MGAT4C: variants seen among roughly 807,000 people sequenced by gnomAD.
MGAT4C encodes alpha-1,3-mannosyl-glycoprotein 4-beta-N-acetylglucosaminyltransferase C.
A neutral mutation model predicts 40.1 loss-of-function variants in MGAT4C; 19 were observed. That is an observed-to-expected ratio of 0.47 (90% CI 0.33 to 0.70). MGAT4C has a LOEUF of 0.70. Ranked by LOEUF, MGAT4C falls within the 30% of genes least tolerant of loss-of-function variation. The pLI is 0.02. For missense variants in MGAT4C, 491 were observed against 563.2 expected, an observed-to-expected ratio of 0.87 and a Z score of 1.30; for synonymous variants, 181 against 187.1, an observed-to-expected ratio of 0.97 and a Z score of 0.27.
At chr12:86,027,852 A>C (rs1592721543) in intron 2 of MGAT4C, among the ~76,000 whole-genome samples, 1 of 151,962 alleles carries the variant, frequency 6.6e-6, no homozygotes, top group Non-Finnish European at 1.5e-5. Flanking sequence ...TTCATCATTG[A>C]AATAACAGTG....
intron 1 of MGAT4C, among the ~76,000 whole-genome samples, chr12:86,774,281 CTCTTTCTTTCTTTCTTTCTT>C (rs6144795): frequency 1.9e-4 from 11 of 58,934 alleles, no homozygotes; most frequent in African/African-American, 4.5e-4. Flanking sequence ...CTAAGGCTTG[CTCTTTCTTTCTTTCTTTCTT>C]TCTTTCTTTC....
chr12:86,771,369 A>G (rs1317117761), intron 1 of MGAT4C, among the ~76,000 whole-genome samples: 1 of 152,128 alleles, frequency 6.6e-6, no homozygotes, highest in Non-Finnish European at 1.5e-5. Context: ...TGGCTTTGGA[A>G]TTGGGTTTTA....
intron 1 of MGAT4C, among the ~76,000 whole-genome samples, chr12:86,108,641 G>A (rs979340278): frequency 3.3e-5 from 5 of 152,194 alleles, no homozygotes; most frequent in East Asian, 1.9e-4. Flanking sequence ...GGGTGACTTC[G>A]TGTCCTGAAA....
At chr12:86,349,943 A>G (rs1955124412) in intron 3 of MGAT4C, among the ~76,000 whole-genome samples, 1 of 152,044 alleles carries the variant, frequency 6.6e-6, no homozygotes, top group Admixed American at 6.6e-5. Flanking sequence ...TTCTAAACTA[A>G]AATGTAAATA....
At chr12:86,299,141 A>C (rs965236804) in intron 4 of MGAT4C, among the ~76,000 whole-genome samples, 8 of 152,074 alleles carry the variant, frequency 5.3e-5, no homozygotes, top group African/African-American at 1.9e-4. Flanking sequence ...TTTTGAGACG[A>C]ATCTCGCTCT....
chr12:86,380,600 G>T (rs1008247257), intron 3 of MGAT4C, among the ~76,000 whole-genome samples: 1 of 152,116 alleles, frequency 6.6e-6, no homozygotes, highest in Non-Finnish European at 1.5e-5. Flanking sequence ...GAAAAATCAT[G>T]ATTAGATCAA....
Position 86,798,195 on chromosome 12 carries a change from G to A in MGAT4C, c.-262+40471C>T, listed in dbSNP as rs1018064118. ...GTTGCACACCCATGAAACCAGCCTT[G>A]TTCACGTTATGATCAAACAGCATAT... On this transcript the variant is annotated intron_variant, in intron 1 of 7. Transcript: ENST00000548651. 2.6e-5 allele frequency among the ~76,000 whole-genome samples: 4 copies of A among 151,824 alleles called. No individual in the cohort carries two copies. In the East Asian group the frequency reaches 7.7e-4, roughly 29 times the overall value.
chr12:86,361,879 C>T (rs2136202497), intron 3 of MGAT4C, among the ~76,000 whole-genome samples: 1 of 152,318 alleles, frequency 6.6e-6, no homozygotes, highest in South Asian at 2.1e-4. Context: ...TTCCTTTACC[C>T]TGTTGGTGGG....
intron 2 of MGAT4C, among the ~76,000 whole-genome samples, chr12:86,528,390 C>G (rs1958920721): frequency 6.6e-6 from 1 of 151,828 alleles, no homozygotes; most frequent in African/African-American, 2.4e-5. Flanking sequence ...TTTTAAAATC[C>G]TCATATAAGT....
intron 4 of MGAT4C, among the ~76,000 whole-genome samples, chr12:86,322,450 C>G (rs551688089): frequency 6.6e-6 from 1 of 150,816 alleles, no homozygotes; most frequent in African/African-American, 2.4e-5. Flanking sequence ...GTTGCTATTA[C>G]ATTTTTAGAC....
chr12:86,474,431 T>C (rs1420999612), intron 2 of MGAT4C, among the ~76,000 whole-genome samples: 1 of 148,478 alleles, frequency 6.7e-6, no homozygotes, highest in Non-Finnish European at 1.5e-5. Flanking sequence ...AATGATGAGT[T>C]AATGGGTGCA....
chr12:86,588,773 G>A (rs1345658282), intron 2 of MGAT4C, among the ~76,000 whole-genome samples: 2 of 151,948 alleles, frequency 1.3e-5, no homozygotes, highest in South Asian at 2.1e-4. Context: ...CAACTACATG[G>A]AAGCTGAACA....
chr12:86,054,893 A>T (rs1224206417), intron 1 of MGAT4C, among the ~76,000 whole-genome samples: 2 of 151,934 alleles, frequency 1.3e-5, no homozygotes, highest in African/African-American at 2.4e-5. Context: ...CTCGGTTTTA[A>T]AGGAGAATTT....
chr12:86,148,995 CATGAT>C (rs1436852315), intron 1 of MGAT4C, among the ~76,000 whole-genome samples: 2 of 152,108 alleles, frequency 1.3e-5, no homozygotes, highest in South Asian at 2.1e-4. Flanking sequence ...TTAGCCCTGA[CATGAT>C]ATATCAGTGG....
At chr12:86,588,990 G>T (rs1593018089) in intron 2 of MGAT4C, among the ~76,000 whole-genome samples, 2 of 150,630 alleles carry the variant, frequency 1.3e-5, no homozygotes, top group South Asian at 2.1e-4. Flanking sequence ...ACAATTAAAA[G>T]AACTAGAAAA....
At chr12:86,465,959 A>G (rs1957675156) in intron 2 of MGAT4C, among the ~76,000 whole-genome samples, 1 of 152,130 alleles carries the variant, frequency 6.6e-6, no homozygotes, top group Admixed American at 6.5e-5. Flanking sequence ...TTGTAATCCC[A>G]GCTCTTTGGG....
intron 1 of MGAT4C, among the ~76,000 whole-genome samples, chr12:86,791,447 T>G (rs1345453085): frequency 6.6e-6 from 1 of 151,818 alleles, no homozygotes; most frequent in East Asian, 1.9e-4. Flanking sequence ...TTTTTTTTTT[T>G]TTTTTCCTCT....
At chr12:86,499,273 G>T (rs1958294201) in intron 2 of MGAT4C, among the ~76,000 whole-genome samples, 1 of 151,570 alleles carries the variant, frequency 6.6e-6, no homozygotes, top group Non-Finnish European at 1.5e-5. Context: ...TTATGTGTGT[G>T]TGTGTATGTA....
intron 2 of MGAT4C, among the ~76,000 whole-genome samples, chr12:86,440,685 T>C (rs1185665079): frequency 6.6e-6 from 1 of 152,006 alleles, no homozygotes; most frequent in African/African-American, 2.4e-5. Context: ...GGAAGTCAAC[T>C]TATCTGTTTG....
Sources: allele counts gnomAD v4.1 joint callset (sites outside exome capture counted in the v4.1 genomes callset), GRCh38; gene constraint gnomAD v4.1.1; transcripts MANE v1.5; gene names NCBI Gene and HGNC (gene_info 2026-07-23, HGNC 2026-07-21).